The following PSMA4 variants were observed in gnomAD, a reference collection of about 807,000 sequenced individuals.
The protein encoded by PSMA4 is proteasome 20S subunit alpha 4.
In PSMA4, 8 loss-of-function variants were observed where a neutral mutation model predicts 37.2. That is an observed-to-expected ratio of 0.22 (90% CI 0.13 to 0.39). PSMA4 has a LOEUF of 0.39. Among genes scored for constraint, PSMA4 ranks in the 10% least tolerant of loss-of-function variants. The probability of loss-of-function intolerance (pLI) is 1.00; values close to 1 mark genes in which losing one functional copy is unlikely to be tolerated. For missense variants in PSMA4, 169 were observed against 305.1 expected, an observed-to-expected ratio of 0.55 and a Z score of 3.32; for synonymous variants, 93 against 98.8, an observed-to-expected ratio of 0.94 and a Z score of 0.35.
At chr15:78,545,826 C>T (rs2052542685) in intron 7 of PSMA4, 62 bp downstream of exon 7, 2 of 1,558,210 alleles carry the variant, frequency 1.3e-6, no homozygotes, top group South Asian at 2.2e-5. Flanking sequence ...ATAATTTTGC[C>T]ATGGTGATGA....
chr15:78,543,573 T>TGG lies in PSMA4; in HGVS notation c.210-617_210-616insGG, dbSNP rs1555413129. On this transcript the variant is annotated intron_variant, in intron 4 of 8. Transcript: ENST00000044462. ...CAGTCTGTCTAGCAAAATCTTTTTT[T>TGG]TTTTTTTTTTTTTGAGACAGATTCT... Among the ~76,000 whole-genome samples, 4 of 80,086 alleles carry TGG rather than the reference T, an allele frequency of 5.0e-5. No homozygotes were observed. The East Asian group carries it at 2.5e-3, about 50-fold the overall frequency. 52.5% of individuals were successfully genotyped at this position (80,086 alleles called of 152,430 possible).
At chr15:78,548,439 G>A (rs2052594426) in intron 8 of PSMA4, among the ~76,000 whole-genome samples, 1 of 151,986 alleles carries the variant, frequency 6.6e-6, no homozygotes, top group Non-Finnish European at 1.5e-5. Context: ...AAAATAAGCT[G>A]TTATTACCAG....
chr15:78,545,608 T>C (rs377266937), intron 6 of PSMA4, 26 bp from the exon 7 acceptor site: 4 of 1,609,726 alleles, frequency 2.5e-6, no homozygotes, highest in Non-Finnish European at 2.6e-6. Context: ...ATTATTGATA[T>C]GTTTGGCTTT....
rs2052618023 is a variant in PSMA4, at chr15:78,549,763, G to GTA, written c.*819_*820insTA. 6.6e-6 allele frequency: 1 copy of GTA among 152,228 alleles called. No individual in the cohort carries two copies. 9.4% of individuals were successfully genotyped at this position (152,228 alleles called of 1,614,324 possible). A position where few individuals can be genotyped will look rare whatever the true frequency, so the allele number is the denominator to read the frequency against. On this transcript the variant is annotated 3_prime_UTR_variant, in exon 9 of 9. Transcript: ENST00000044462. ...TTAGGAATGCTAAGTAAAACTTTAA[G>GTA]AAGTTTTTGTTGCATATTAGAATCA...
chr15:78,543,634 T>G (rs1043457431), intron 4 of PSMA4, among the ~76,000 whole-genome samples: 1 of 142,586 alleles, frequency 7.0e-6, no homozygotes, highest in Non-Finnish European at 1.5e-5. Flanking sequence ...GGTGACGCCA[T>G]CTTGGCTCAC....
chr15:78,545,806 A>G, intron 7 of PSMA4, 42 bp downstream of exon 7: 1 of 1,600,272 alleles, frequency 6.2e-7, no homozygotes, highest in Non-Finnish European at 8.6e-7. Context: ...CAGAATGTCT[A>G]ATAACTGCCA....
At chr15:78,542,280 A>G (rs1187448527) in intron 3 of PSMA4, 61 bp downstream of exon 3, 41 of 1,525,882 alleles carry the variant, frequency 2.7e-5, no homozygotes, top group Non-Finnish European at 3.5e-5. Context: ...GACTTTTAGA[A>G]AAAAAAATTA....
rs1232509446 is a variant in PSMA4 at position 78,550,092 on chromosome 15, G to A, written c.*1148G>A. 1 of 152,132 alleles carries A rather than the reference G, an allele frequency of 6.6e-6. No individual in the cohort carries two copies. Among genetic ancestry groups the A allele is most frequent in the Non-Finnish European group, 1.5e-5 (1 of 68,038 alleles). The allele number at this position is 152,132 out of a possible 1,614,324, so 9.4% of individuals were successfully genotyped here. A position where few individuals can be genotyped will look rare whatever the true frequency, so the allele number is the denominator to read the frequency against. ...AATTATTCTCTTACTCTGTACAGCA[G>A]GTTCTCGTTATTTTTGGTAGTTATG... On this transcript the variant is annotated 3_prime_UTR_variant, in exon 9 of 9. Coordinates refer to ENST00000044462, the MANE Select transcript of PSMA4 (RefSeq NM_002789.6).
Position 78,544,924 on chromosome 15 carries a change from T to A in PSMA4, c.343T>A (p.Cys115Ser). Residue 115 changes from cysteine (C) to serine (S), a missense_variant, in exon 6 of 9, where the codon TGT becomes AGT. By Grantham distance (112) the Cys-to-Ser change is moderately radical. Coordinates refer to ENST00000044462, the MANE Select transcript of PSMA4 (RefSeq NM_002789.6). ...IPCEQLVTALCDIKQAYTQFG... is the reference protein window; with the variant it reads ...IPCEQLVTALSDIKQAYTQFG... ...TTGTGAGCAGTTGGTTACAGCGCTG[T>A]GTGATATCAAACAAGCTTATACACA... 1 of 1,610,562 alleles carries A rather than the reference T, an allele frequency of 6.2e-7. No individual in the cohort carries two copies. The highest frequency in any genetic ancestry group is 8.5e-7 in the Non-Finnish European group (1 of 1,178,168).
chr15:78,541,836 T>G, intron 1 of PSMA4, 69 bp from the exon 2 acceptor site: 1 of 1,314,140 alleles, frequency 7.6e-7, no homozygotes, highest in South Asian at 1.2e-5. Context: ...AAAACAGATT[T>G]GTAAAGTCAG....
chr15:78,551,611 C>T lies in PSMA4; in HGVS notation c.*2667C>T, dbSNP rs780868745. On this transcript the variant is annotated 3_prime_UTR_variant, in exon 9 of 9. Coordinates refer to ENST00000044462, the MANE Select transcript of PSMA4 (RefSeq NM_002789.6). ...TGGCATATTTGTTTCTTGTCTCTCC[C>T]CACTGGAATACAGACTTCCAGAGCA... is the stretch of plus-strand genomic sequence containing the variant. 6.6e-6 allele frequency: 1 copy of T among 152,004 alleles called. No individual in the cohort carries two copies. The allele number at this position is 152,004 out of a possible 1,614,324, so 9.4% of individuals were successfully genotyped here.
At chr15:78,545,024 A>G in intron 6 of PSMA4, 67 bp downstream of exon 6, 1 of 1,145,936 alleles carries the variant, frequency 8.7e-7, no homozygotes, top group Non-Finnish European at 1.2e-6. Flanking sequence ...AACCCTTTTG[A>G]GGTAGTAAAA....
In PSMA4 at chr15:78,540,511, C is replaced by T. The variant is rs1244370580; in HGVS notation, c.-52C>T. 6.6e-6 allele frequency: 1 copy of T among 152,434 alleles called. No homozygotes were observed. Among genetic ancestry groups the T allele is most frequent in the Non-Finnish European group, 1.5e-5 (1 of 68,192 alleles). The allele number at this position is 152,434 out of a possible 1,614,324, so 9.4% of individuals were successfully genotyped here. A position where few individuals can be genotyped will look rare whatever the true frequency, so the allele number is the denominator to read the frequency against. ...TCCGTGGAGTTAAGGGCTCCGTGGA[C>T]ATCTCAGGTCTTCAGGGTCTTCCAT... On this transcript the variant is annotated 5_prime_UTR_variant, in exon 1 of 9. Transcript: ENST00000044462.
At position 78,550,463 on chromosome 15, in the gene PSMA4, C is replaced by T. The variant is rs1226528530; in HGVS notation, c.*1519C>T. The T allele has an allele frequency of 1.3e-5, 2 of 149,978 alleles. No individual in the cohort carries two copies. The highest frequency in any genetic ancestry group is 5.0e-5 in the African/African-American group (2 of 40,376). 9.3% of individuals were successfully genotyped at this position (149,978 alleles called of 1,614,324 possible). A position where few individuals can be genotyped will look rare whatever the true frequency, so the allele number is the denominator to read the frequency against. On this transcript the variant is annotated 3_prime_UTR_variant, in exon 9 of 9. Transcript: ENST00000044462. ...CTCCCAAAGTGTTGACATCACAGCC[C>T]TCTTATGCTTAGGAACAACACTAAA...
At chr15:78,548,211 A>G (rs1226320040) in intron 8 of PSMA4, among the ~76,000 whole-genome samples, 1 of 152,142 alleles carries the variant, frequency 6.6e-6, no homozygotes, top group Non-Finnish European at 1.5e-5. Flanking sequence ...AGCCTGGGCA[A>G]CAAGAGCAAA....
chr15:78,544,463 G>C, intron 5 of PSMA4, 196 bp downstream of exon 5: 1 of 504,874 alleles, frequency 2.0e-6, no homozygotes. Flanking sequence ...ACCACACCGG[G>C]TTAATTTTTG....
At position 78,551,229 on chromosome 15, in the gene PSMA4, T is replaced by C. The variant is rs1242563489; in HGVS notation, c.*2285T>C. 6.6e-6 allele frequency: 1 copy of C among 152,238 alleles called. No individual in the cohort carries two copies. The highest frequency in any genetic ancestry group is 1.9e-4 in the East Asian group (1 of 5,184). 9.4% of individuals were successfully genotyped at this position (152,238 alleles called of 1,614,324 possible). On this transcript the variant is annotated 3_prime_UTR_variant, in exon 9 of 9. Coordinates refer to ENST00000044462, the MANE Select transcript of PSMA4 (RefSeq NM_002789.6). ...ACAGTTTTGGCTCAAAACCCTCCAA[T>C]GGCTTCCCATCTTGCTCAGTAAGAG...
rs1368141469 is a variant in PSMA4, at chr15:78,545,704, G to C, written c.447G>C (p.Gln149His). The C allele has an allele frequency of 6.2e-7, 1 of 1,613,946 alleles. No individual in the cohort carries two copies. Among genetic ancestry groups the C allele is most frequent in the East Asian group, 2.2e-5 (1 of 44,872 alleles). ...WDKHYGFQLY[Q>H]SDPSGNYGGW... ...AGCACTATGGCTTTCAGCTCTATCA[G>C]AGTGACCCTAGTGGAAATTACGGGG... The change falls in exon 7 of 9, where the codon CAG (glutamine) becomes CAC (histidine). Residue 149 changes from glutamine to histidine, a missense_variant. Gln to His is a conservative substitution (Grantham distance 24). Around this residue, in one of 2 missense-constraint regions of PSMA4, gnomAD observed 79 missense variants for 212.4 expected, o/e 0.37. Coordinates refer to ENST00000044462, the MANE Select transcript of PSMA4 (RefSeq NM_002789.6).
intron 8 of PSMA4, among the ~76,000 whole-genome samples, chr15:78,547,584 C>G (rs1018580982): frequency 6.6e-6 from 1 of 152,126 alleles, no homozygotes; most frequent in African/African-American, 2.4e-5. Flanking sequence ...GCCTGTAATC[C>G]CAGCACTTTG....
Sources: gnomAD v4.1 joint callset for allele counts (sites outside exome capture counted in the v4.1 genomes callset) on GRCh38, gnomAD v4.1.1 for gene constraint, gnomAD v4.1.1 regional missense constraint, MANE v1.5 for transcripts, NCBI Gene and HGNC (gene_info 2026-07-23, HGNC 2026-07-21) for gene names.